KLHL5: variants seen among roughly 807,000 people sequenced by gnomAD.
KLHL5 encodes kelch-like protein 5.
Under a neutral mutation model 77.7 loss-of-function variants are expected in KLHL5, and 48 were observed. The observed-to-expected ratio is 0.62, with a 90% CI of 0.49 to 0.79. The LOEUF is 0.79. Among genes scored for constraint, KLHL5 ranks in the 30% least tolerant of loss-of-function variants. KLHL5 has a pLI of 0.00. For missense variants in KLHL5, 723 were observed against 859.7 expected (o/e 0.84, Z 1.99); for synonymous variants, 260 against 297.0 (o/e 0.88, Z 1.28).
At chr4:39,141,087 AG>A in the KLHL5 span, among the ~76,000 whole-genome samples, 1 of 152,200 alleles carries the variant, frequency 6.6e-6, no homozygotes. Context: ...GCAGAGGAAA[AG>A]TAACAAGGAG....
chr4:39,115,096 A>C, intron 9 of KLHL5, 63 bp from the exon 10 acceptor site: 1 of 1,467,158 alleles, frequency 6.8e-7, no homozygotes, highest in South Asian at 1.2e-5. Flanking sequence ...TTGAAGAACA[A>C]AACTGTTTTT....
chr4:39,136,589 G>A, the KLHL5 span, among the ~76,000 whole-genome samples: 44 of 152,288 alleles, frequency 2.9e-4, no homozygotes, highest in Non-Finnish European at 1.9e-4. Context: ...AAGAGGGTGG[G>A]CTACAGGGTG....
At position 39,091,560 on chromosome 4, in the gene KLHL5, T is replaced by C. The variant is rs893664794; in HGVS notation, c.1113+4833T>C. On this transcript the variant is annotated intron_variant, in intron 5 of 10. Transcript: ENST00000504108. The stretch of plus-strand genomic sequence containing the variant: ...GCCTGAATTTATAAGTATCTGAGTC[T>C]CCACTATTCTGCTCTCAGTTTAGTA... 2.6e-5 allele frequency among the ~76,000 whole-genome samples: 4 copies of C among 152,176 alleles called. No homozygotes were observed. In the East Asian group the frequency reaches 7.7e-4, roughly 29 times the overall value.
intron 6 of KLHL5, among the ~76,000 whole-genome samples, chr4:39,100,793 G>GT (rs896856193): frequency 1.3e-5 from 2 of 151,956 alleles, no homozygotes; most frequent in African/African-American, 2.4e-5. Context: ...TTATTTCTGA[G>GT]TTTTTTTAGT....
intron 7 of KLHL5, among the ~76,000 whole-genome samples, chr4:39,106,785 G>A (rs987754204): frequency 1.4e-4 from 21 of 151,886 alleles, no homozygotes; most frequent in Admixed American, 6.6e-4. Context: ...TAGAGACAGC[G>A]TCTCACTCTG....
Position 39,115,327 on chromosome 4 carries a change from C to A in KLHL5, c.2070C>A (p.Thr690=), listed in dbSNP as rs751971626. 2.5e-6 allele frequency: 4 copies of A among 1,613,798 alleles called. No homozygotes were observed. The highest frequency in any genetic ancestry group is 2.2e-5 in the South Asian group (2 of 91,068). ...EAYDPQTNEW[T]QVAPLCLGRA... is the part of the protein sequence containing the mutation. ...ATGATCCCCAGACAAATGAGTGGAC[C>A]CAGGTATGGCATTCATGTTTCATTA... Residue 690 remains threonine, a synonymous_variant, in exon 10 of 11, where the codon ACC becomes ACA. Transcript: ENST00000504108.
chr4:39,045,159 C>T, intron 1 of KLHL5: 2 of 984,150 alleles, frequency 2.0e-6, no homozygotes, highest in South Asian at 9.4e-5. Flanking sequence ...CCGCTTCCCG[C>T]CCCCACGCGA....
Position 39,081,617 on chromosome 4 carries a change from C to T in KLHL5, c.704-346C>T, listed in dbSNP as rs1020168391. On this transcript the variant is annotated intron_variant, in intron 3 of 10. Coordinates refer to ENST00000504108, the MANE Select transcript of KLHL5 (RefSeq NM_015990.5). This position sits in a 1 kb window ranked among gnomAD's most constrained non-coding sequence, Gnocchi z 4.3. Reference sequence around the variant, plus strand: ...CCAGGAGTTCGATGCTGCAGTGAGCCATTGGTTACACCACTGCACTCCAGC... The same window carrying T: ...CCAGGAGTTCGATGCTGCAGTGAGCTATTGGTTACACCACTGCACTCCAGC... 7.9e-5 allele frequency among the ~76,000 whole-genome samples: 12 copies of T among 150,980 alleles called. No individual in the cohort carries two copies. The highest frequency in any genetic ancestry group is 4.6e-4 in the Admixed American group (7 of 15,140).
intron 1 of KLHL5, 126 bp from the exon 2 acceptor site, chr4:39,075,839 A>C (rs1348334523): frequency 2.9e-6 from 2 of 700,120 alleles, no homozygotes; most frequent in African/African-American, 3.6e-5. Flanking sequence ...GAATGATTAT[A>C]CATTAATATT....
At chr4:39,047,573 A>G (rs2711963) in intron 1 of KLHL5, among the ~76,000 whole-genome samples, 111,014 of 152,148 alleles carry the variant, frequency 0.73, 40,646 homozygotes, top group East Asian at 0.82. Flanking sequence ...GCATTTTAAC[A>G]TACTGTATAG....
intron 1 of KLHL5, among the ~76,000 whole-genome samples, chr4:39,064,592 G>A (rs960300763): frequency 6.6e-6 from 1 of 152,006 alleles, no homozygotes; most frequent in Non-Finnish European, 1.5e-5. Context: ...ATTATAATGT[G>A]AATATAAAAT....
intron 5 of KLHL5, among the ~76,000 whole-genome samples, 177 bp downstream of exon 5, chr4:39,086,904 C>CTTTTTTTTTTTTTTTT: frequency 1.3e-5 from 1 of 78,346 alleles, no homozygotes; most frequent in Non-Finnish European, 2.3e-5. Context: ...AAGTAACATT[C>CTTTTTTTTTTTTTTTT]TTTTTTTTTT....
intron 6 of KLHL5, among the ~76,000 whole-genome samples, chr4:39,097,944 A>C (rs1577712045): frequency 6.6e-6 from 1 of 152,098 alleles, no homozygotes; most frequent in East Asian, 2.0e-4. Flanking sequence ...CAGCATGGGC[A>C]ATATGGTGAA....
At chr4:39,086,346 AT>A (rs370490424) in intron 4 of KLHL5, among the ~76,000 whole-genome samples, 168 bp from the exon 5 acceptor site, 5 of 151,814 alleles carry the variant, frequency 3.3e-5, no homozygotes, top group African/African-American at 4.8e-5. Context: ...TTGCAGTTTA[AT>A]TTTTTTTTCT....
chr4:39,090,907 A>C (rs778354352), intron 5 of KLHL5, among the ~76,000 whole-genome samples: 8 of 151,208 alleles, frequency 5.3e-5, no homozygotes, highest in Non-Finnish European at 8.8e-5. Context: ...GGCCCAAGAG[A>C]TCCTCCCACC....
chr4:39,142,005 C>T, the KLHL5 span, among the ~76,000 whole-genome samples: 1 of 152,052 alleles, frequency 6.6e-6, no homozygotes, highest in Non-Finnish European at 1.5e-5. Context: ...TTATTTTTAT[C>T]TCTGAGCCAT....
rs1338627341 is a variant in KLHL5 at position 39,121,807 on chromosome 4, T to C, written c.*741T>C. The stretch of plus-strand genomic sequence containing the variant: ...TAAATTTAAGATATGCAAATTTATG[T>C]AGAGAAAATAAATGTTATATACCCT... On this transcript the variant is annotated 3_prime_UTR_variant, in exon 11 of 11. Coordinates refer to ENST00000504108, the MANE Select transcript of KLHL5 (RefSeq NM_015990.5). 6.6e-6 allele frequency: 1 copy of C among 152,664 alleles called. No homozygotes were observed. Among genetic ancestry groups the C allele is most frequent in the Admixed American group, 6.5e-5 (1 of 15,288 alleles). 9.5% of individuals were successfully genotyped at this position (152,664 alleles called of 1,614,324 possible).
In KLHL5 at chr4:39,081,857, G is replaced by A. The variant is rs1198310575; in HGVS notation, c.704-106G>A. The A allele has an allele frequency of 9.5e-6, 7 of 736,970 alleles. No homozygotes were observed. Among genetic ancestry groups the A allele is most frequent in the Admixed American group, 3.4e-5 (1 of 29,480 alleles). 45.7% of individuals were successfully genotyped at this position (736,970 alleles called of 1,614,324 possible). A position where few individuals can be genotyped will look rare whatever the true frequency, so the allele number is the denominator to read the frequency against. The stretch of plus-strand genomic sequence containing the variant: ...GTCTTAAACCATGTAGGTCTGTAAT[G>A]CATGTAATGAGCTCTTATATGGAAC... On this transcript the variant is annotated intron_variant, in intron 3 of 10. Transcript: ENST00000504108. This position sits in a 1 kb window ranked among gnomAD's most constrained non-coding sequence, Gnocchi z 4.3.
intron 5 of KLHL5, among the ~76,000 whole-genome samples, chr4:39,090,517 C>T (rs1280945929): frequency 6.7e-6 from 1 of 149,986 alleles, no homozygotes; most frequent in Non-Finnish European, 1.5e-5. Context: ...GGCACAATCT[C>T]ATCTCACTGC....
Sources: gnomAD v4.1 joint callset for allele counts (sites outside exome capture counted in the v4.1 genomes callset) on GRCh38, gnomAD v4.1.1 for gene constraint, Gnocchi (gnomAD v3.1) non-coding constraint, MANE v1.5 for transcripts, NCBI Gene and HGNC (gene_info 2026-07-23, HGNC 2026-07-21) for gene names.